STAT5B: variants seen among roughly 807,000 people sequenced by gnomAD.
STAT5B encodes transcription factor STAT5B.
A neutral mutation model predicts 107.8 loss-of-function variants in STAT5B; 21 were observed. The ratio of observed to expected loss-of-function variants is 0.19; its 90% confidence interval spans 0.14 to 0.28. The LOEUF (loss-of-function observed/expected upper bound fraction) is 0.28, where lower values mean the gene tolerates loss of function less well. Among genes scored for constraint, STAT5B ranks in the 10% least tolerant of loss-of-function variants. The probability of loss-of-function intolerance (pLI) is 1.00; values close to 1 mark genes in which losing one functional copy is unlikely to be tolerated. For synonymous variants in STAT5B, 325 were observed against 401.7 expected, an observed-to-expected ratio of 0.81 and a Z score of 2.28; for missense variants, 565 against 1,008.2, an observed-to-expected ratio of 0.56 and a Z score of 5.95.
chr17:42,214,021 T>C (rs1393951570), intron 12 of STAT5B, among the ~76,000 whole-genome samples: 1 of 151,636 alleles, frequency 6.6e-6, no homozygotes, highest in Non-Finnish European at 1.5e-5. Context: ...CATGCACCTG[T>C]AATCCCAGCT....
At chr17:42,237,982 T>C (rs539483097) in intron 1 of STAT5B, among the ~76,000 whole-genome samples, 3 of 152,286 alleles carry the variant, frequency 2.0e-5, no homozygotes, top group African/African-American at 2.4e-5. Context: ...AACCGGCTTC[T>C]TTCTCCCATC....
chr17:42,212,768 T>C (rs1014826088), intron 12 of STAT5B, among the ~76,000 whole-genome samples: 5 of 152,272 alleles, frequency 3.3e-5, no homozygotes, highest in Admixed American at 1.3e-4. Context: ...GCCATAGTAC[T>C]CCATTTTATT....
chr17:42,265,374 C>CTTTTTTTTTTTTTTTTTTTT (rs1275073687), intron 1 of STAT5B, among the ~76,000 whole-genome samples: 1 of 99,226 alleles, frequency 1.0e-5, no homozygotes, highest in African/African-American at 5.0e-5. Flanking sequence ...GGTATGTACT[C>CTTTTTTTTTTTTTTTTTTTT]TTCTTTTTTT....
In STAT5B at chr17:42,232,009, C is replaced by T. The variant is rs1281205149; in HGVS notation, c.119G>A (p.Ser40Asn). 6.2e-7 allele frequency: 1 copy of T among 1,613,796 alleles called. No individual in the cohort carries two copies. The highest frequency in any genetic ancestry group is 2.2e-5 in the East Asian group (1 of 44,838). The change falls in exon 2 of 19, where the codon AGC becomes AAC. Residue 40 changes from serine to asparagine, a missense_variant. By Grantham distance (46) the Ser-to-Asn change is conservative. Coordinates refer to ENST00000293328, the MANE Select transcript of STAT5B (RefSeq NM_012448.4). ...ATCCTTGTTCACCTACCATGCTTGGCTTTCAATCCACTGGGATAAATAATG... is the reference window on the plus strand; with the variant it reads ...ATCCTTGTTCACCTACCATGCTTGGTTTTCAATCCACTGGGATAAATAATG... ...VRHYLSQWIE[S>N]QAWDSVDLDN...
Position 42,199,747 on chromosome 17 carries a change from A to G in STAT5B, c.*1991T>C, listed in dbSNP as rs907082130. The stretch of plus-strand genomic sequence containing the variant: ...TCCTCCCCAACCCAGTGCCAACTGC[A>G]AAGTGAGCCAGGACGGCCTGGCTGC... On this transcript the variant is annotated 3_prime_UTR_variant, in exon 19 of 19. Coordinates refer to ENST00000293328, the MANE Select transcript of STAT5B (RefSeq NM_012448.4). 2.6e-5 allele frequency: 4 copies of G among 152,498 alleles called. 1 individual carries two copies. Among genetic ancestry groups the G allele is most frequent in the African/African-American group, 9.7e-5 (4 of 41,448 alleles). 9.4% of individuals were successfully genotyped at this position (152,498 alleles called of 1,614,324 possible). A position where few individuals can be genotyped will look rare whatever the true frequency, so the allele number is the denominator to read the frequency against.
intron 13 of STAT5B, 72 bp from the exon 14 acceptor site, chr17:42,210,569 G>A: frequency 7.3e-7 from 1 of 1,361,922 alleles, no homozygotes; most frequent in East Asian, 2.3e-5. Flanking sequence ...ATATTTAATT[G>A]GAAAAATTAA....
chr17:42,270,131 C>T (rs1198127064), intron 1 of STAT5B, among the ~76,000 whole-genome samples: 1 of 152,148 alleles, frequency 6.6e-6, no homozygotes, highest in Non-Finnish European at 1.5e-5. Context: ...ATCTCTTGAA[C>T]CCAGGAGACG....
chr17:42,284,668 G>A, the STAT5B span, among the ~76,000 whole-genome samples: 2 of 152,220 alleles, frequency 1.3e-5, no homozygotes, highest in South Asian at 2.1e-4. Flanking sequence ...TAGGCTGGGC[G>A]AGAATGGAGA....
chr17:42,245,604 C>A (rs1598325159), intron 1 of STAT5B, among the ~76,000 whole-genome samples: 1 of 151,950 alleles, frequency 6.6e-6, no homozygotes, highest in African/African-American at 2.4e-5. Context: ...CTCACTGCAA[C>A]CTCCGCCCCC....
intron 14 of STAT5B, 27 bp from the exon 15 acceptor site, chr17:42,210,328 A>G (rs1376480330): frequency 3.1e-6 from 5 of 1,614,224 alleles, no homozygotes; most frequent in African/African-American, 1.3e-5. Context: ...AAAGGACAGA[A>G]GCAGAGTGTG....
chr17:42,286,128 G>A, the STAT5B span, among the ~76,000 whole-genome samples: 17 of 151,704 alleles, frequency 1.1e-4, no homozygotes, highest in African/African-American at 3.9e-4. Flanking sequence ...AGCTACTCGG[G>A]AGGCTGAGGT....
At chr17:42,204,800 G>C (rs536313333) in intron 16 of STAT5B, among the ~76,000 whole-genome samples, 71 of 152,284 alleles carry the variant, frequency 4.7e-4, no homozygotes, top group African/African-American at 1.7e-3. Context: ...TTTTTGTAGA[G>C]ATGGAGTCTC....
At chr17:42,251,038 T>G (rs2080495274) in intron 1 of STAT5B, among the ~76,000 whole-genome samples, 1 of 151,752 alleles carries the variant, frequency 6.6e-6, no homozygotes, top group Non-Finnish European at 1.5e-5. Context: ...TAAAATGCAA[T>G]TCACAAATGA....
Position 42,262,904 on chromosome 17 carries a change from A to C in STAT5B, c.-11+13344T>G, listed in dbSNP as rs1377972531. 4.1e-5 allele frequency among the ~76,000 whole-genome samples: 5 copies of C among 120,704 alleles called. 1 individual carries two copies. The South Asian group carries it at 1.2e-3, about 30-fold the overall frequency. The allele number at this position is 120,704 out of a possible 152,430, so 79.2% of individuals were successfully genotyped here. ...TACACATATATATGTGTGTATATAT[A>C]TGTGTATATATATGTGTGTATATAT... On this transcript the variant is annotated intron_variant, in intron 1 of 18. Transcript: ENST00000293328.
chr17:42,217,422 C>A lies in STAT5B; in HGVS notation c.1212G>T (p.Glu404Asp). The A allele has an allele frequency of 6.2e-7, 1 of 1,614,214 alleles. No homozygotes were observed. Among genetic ancestry groups the A allele is most frequent in the Non-Finnish European group, 8.5e-7 (1 of 1,180,048 alleles). ...TAAGGGTGCCTGTGGCTTGGTGGTA[C>A]TCCATGACGCAGCAGTTGTTCAAGA... ...GEILNNCCVMEYHQATGTLSA... is the reference protein window; with the variant it reads ...GEILNNCCVMDYHQATGTLSA... The change falls in exon 10 of 19, where the codon GAG becomes GAT. Residue 404 changes from glutamate (E) to aspartate (D), a missense_variant. Physicochemically the swap from Glu to Asp is conservative, Grantham distance 45 (BLOSUM62 2). Coordinates refer to ENST00000293328, the MANE Select transcript of STAT5B (RefSeq NM_012448.4).
At chr17:42,217,944 G>A in intron 9 of STAT5B, 1 of 772,760 alleles carries the variant, frequency 1.3e-6, no homozygotes. Context: ...GACCTCAGGT[G>A]ATCTGCCCAC....
intron 1 of STAT5B, among the ~76,000 whole-genome samples, chr17:42,254,442 G>A (rs1463422914): frequency 9.2e-5 from 14 of 151,700 alleles, no homozygotes; most frequent in African/African-American, 4.9e-5. Flanking sequence ...ATCATCCTTC[G>A]AAGCTGTCCT....
Position 42,241,065 on chromosome 17 carries a change from C to T in STAT5B, c.-10-8928G>A, listed in dbSNP as rs192403136. On this transcript the variant is annotated intron_variant, in intron 1 of 18. Coordinates refer to ENST00000293328, the MANE Select transcript of STAT5B (RefSeq NM_012448.4). ...ATATAAAGAGCAAGTTCCAGCCAGG[C>T]GTGGTGGCTCATGCTTGTAATCCCA... Among the ~76,000 whole-genome samples the T allele has an allele frequency of 7.4e-4, 113 of 152,214 alleles. 1 individual carries two copies. In the East Asian group the frequency reaches 0.017, roughly 23 times the overall value.
At chr17:42,259,935 G>A (rs1136897) in intron 1 of STAT5B, among the ~76,000 whole-genome samples, 54,333 of 152,024 alleles carry the variant, frequency 0.36, 10,923 homozygotes, top group African/African-American at 0.54. Flanking sequence ...CATGTGCCAT[G>A]GTGGTTTGCT....
Sources: gnomAD v4.1 joint callset for allele counts (sites outside exome capture counted in the v4.1 genomes callset) on GRCh38, gnomAD v4.1.1 for gene constraint, MANE v1.5 for transcripts, NCBI Gene and HGNC (gene_info 2026-07-23, HGNC 2026-07-21) for gene names.